CCDC171: variants seen among roughly 807,000 people sequenced by gnomAD.
The protein encoded by CCDC171 is coiled-coil domain containing 171.
In CCDC171, 177 loss-of-function variants were observed where a neutral mutation model predicts 168.2. The observed-to-expected ratio is 1.05, with a 90% CI of 0.93 to 1.19. CCDC171 has a LOEUF of 1.19. Ranked by LOEUF, CCDC171 falls within the 50% of genes most tolerant of loss-of-function variation. CCDC171 has a pLI of 0.00. For missense variants in CCDC171, 1,991 were observed against 1,539.0 expected, an observed-to-expected ratio of 1.29 and a Z score of -4.91; for synonymous variants, 687 against 540.8, an observed-to-expected ratio of 1.27 and a Z score of -3.75.
At position 15,663,982 on chromosome 9, in the gene CCDC171, G is replaced by C. The variant is rs1395685865; in HGVS notation, c.916-2181G>C. On this transcript the variant is annotated intron_variant, in intron 8 of 25. Coordinates refer to ENST00000380701, the MANE Select transcript of CCDC171 (RefSeq NM_173550.4). ...TTACAGCAACATGGATGGAACTGGAGGCCATTATCTTAAGCGAAACAACTC... is the reference window on the plus strand; with the variant it reads ...TTACAGCAACATGGATGGAACTGGACGCCATTATCTTAAGCGAAACAACTC... Among the ~76,000 whole-genome samples, 3 of 152,228 alleles carry C rather than the reference G, an allele frequency of 2.0e-5. No individual in the cohort carries two copies. The East Asian group carries it at 5.8e-4, about 29-fold the overall frequency.
At chr9:15,578,192 T>C (rs2040824493) in intron 3 of CCDC171, among the ~76,000 whole-genome samples, 1 of 151,738 alleles carries the variant, frequency 6.6e-6, no homozygotes, top group Admixed American at 6.6e-5. Context: ...GTATGTATCA[T>C]GCATTTTTTT....
chr9:16,088,069 T>C, the CCDC171 span, among the ~76,000 whole-genome samples: 2 of 152,186 alleles, frequency 1.3e-5, no homozygotes, highest in Non-Finnish European at 2.9e-5. Flanking sequence ...TGGTTCAACA[T>C]ATGCAAATCA....
chr9:15,649,120 C>G (rs908668593), intron 7 of CCDC171, among the ~76,000 whole-genome samples: 1 of 152,142 alleles, frequency 6.6e-6, no homozygotes, highest in African/African-American at 2.4e-5. Context: ...TGATCTTTGA[C>G]AAACCTGACA....
At chr9:15,975,583 C>T (rs1243036401), downstream of CCDC171, among the ~76,000 whole-genome samples, 1 of 152,104 alleles carries the variant, frequency 6.6e-6, no homozygotes, top group Non-Finnish European at 1.5e-5. Flanking sequence ...TCTAGCTTGG[C>T]CAAAAGACCA....
chr9:15,679,005 T>C, intron 10 of CCDC171, 109 bp downstream of exon 10: 3 of 747,002 alleles, frequency 4.0e-6, no homozygotes, highest in Non-Finnish European at 6.2e-6. Context: ...TGCAAGTTAT[T>C]TTAGTGACAT....
At chr9:15,700,933 C>T (rs964032247) in intron 11 of CCDC171, among the ~76,000 whole-genome samples, 2 of 151,840 alleles carry the variant, frequency 1.3e-5, no homozygotes, top group Admixed American at 1.3e-4. Context: ...ACTAGCCATT[C>T]TAACTGTGGT....
intron 3 of CCDC171, among the ~76,000 whole-genome samples, chr9:15,982,301 T>G (rs1831823158): frequency 1.3e-5 from 2 of 152,198 alleles, no homozygotes; most frequent in African/African-American, 4.8e-5. Context: ...TTTAGAACCG[T>G]ATTCACTCAC....
At chr9:15,709,869 A>C (rs1278502326) in intron 11 of CCDC171, among the ~76,000 whole-genome samples, 1 of 152,176 alleles carries the variant, frequency 6.6e-6, no homozygotes, top group East Asian at 1.9e-4. Flanking sequence ...TCAAATATGT[A>C]CAAAAGGAGG....
chr9:15,724,654 C>G lies in CCDC171; in HGVS notation c.1492-122C>G, dbSNP rs1252418477. The G allele has an allele frequency of 7.9e-6, 5 of 630,918 alleles. No individual in the cohort carries two copies. The East Asian group carries it at 1.0e-4, about 13-fold the overall frequency. 39.1% of individuals were successfully genotyped at this position (630,918 alleles called of 1,614,324 possible). On this transcript the variant is annotated intron_variant, in intron 13 of 25. Transcript: ENST00000380701. ...TATTTTAATGTAAACAAATGCTTGC[C>G]TGCCTTTGTGATTCTTTCATTTTAA... is the stretch of plus-strand genomic sequence containing the variant.
intron 21 of CCDC171, among the ~76,000 whole-genome samples, chr9:15,803,007 G>T (rs2058901768): frequency 6.6e-6 from 1 of 152,182 alleles, no homozygotes; most frequent in Non-Finnish European, 1.5e-5. Context: ...CTAATGATCA[G>T]TGATGTTGAG....
chr9:15,643,875 A>C (rs761352772), intron 7 of CCDC171, among the ~76,000 whole-genome samples: 23 of 152,170 alleles, frequency 1.5e-4, no homozygotes, highest in African/African-American at 4.6e-4. Flanking sequence ...TATGCTTTCA[A>C]GGTTAATCCA....
intron 3 of CCDC171, among the ~76,000 whole-genome samples, chr9:15,577,212 C>G (rs2040739859): frequency 6.6e-6 from 1 of 152,138 alleles, no homozygotes; most frequent in East Asian, 1.9e-4. Flanking sequence ...ACTAAATAAG[C>G]AGTTATTTTA....
At chr9:16,033,538 A>C (rs1453964018) in intron 6 of CCDC171, among the ~76,000 whole-genome samples, 1 of 152,190 alleles carries the variant, frequency 6.6e-6, no homozygotes, top group Non-Finnish European at 1.5e-5. Flanking sequence ...GGGACGGCCT[A>C]GTTGCAGGAA....
intron 3 of CCDC171, among the ~76,000 whole-genome samples, chr9:16,016,748 G>A (rs1833033340): frequency 1.3e-5 from 2 of 152,090 alleles, no homozygotes; most frequent in African/African-American, 4.8e-5. Context: ...TTTAAATTTT[G>A]TTTTCATTGA....
At chr9:15,887,544 G>C (rs1819596379) in intron 24 of CCDC171, among the ~76,000 whole-genome samples, 1 of 152,130 alleles carries the variant, frequency 6.6e-6, no homozygotes, top group African/African-American at 2.4e-5. Context: ...AGCAATTCAT[G>C]AGTTGTACAG....
chr9:16,089,248 A>G, the CCDC171 span, among the ~76,000 whole-genome samples: 6 of 152,068 alleles, frequency 3.9e-5, no homozygotes, highest in Admixed American at 6.5e-5. Context: ...ACCTAAAACC[A>G]TAAAAACTCT....
chr9:15,629,439 C>G (rs2045482549), intron 7 of CCDC171, among the ~76,000 whole-genome samples: 1 of 151,922 alleles, frequency 6.6e-6, no homozygotes, highest in Admixed American at 6.6e-5. Context: ...GATTGAAGAT[C>G]AAATGAATGA....
intron 21 of CCDC171, among the ~76,000 whole-genome samples, chr9:15,838,998 T>C (rs2060564839): frequency 6.6e-6 from 1 of 152,188 alleles, no homozygotes; most frequent in Non-Finnish European, 1.5e-5. Context: ...GGTAAATAAG[T>C]CCATTGCTTT....
intron 1 of CCDC171, among the ~76,000 whole-genome samples, chr9:16,047,811 C>T (rs960595243): frequency 1.3e-5 from 2 of 152,200 alleles, no homozygotes; most frequent in African/African-American, 2.4e-5. Context: ...TTAAGAGTGC[C>T]TGGCCCATAT....
Sources: gnomAD v4.1 joint callset for allele counts (sites outside exome capture counted in the v4.1 genomes callset) on GRCh38, gnomAD v4.1.1 for gene constraint, MANE v1.5 for transcripts, NCBI Gene and HGNC (gene_info 2026-07-23, HGNC 2026-07-21) for gene names.